The following ATRNL1 variants were observed in gnomAD, a reference collection of about 807,000 sequenced individuals.
ATRNL1 encodes attractin-like protein 1.
Under a neutral mutation model 182.7 loss-of-function variants are expected in ATRNL1, and 95 were observed. That is an observed-to-expected ratio of 0.52 (90% CI 0.44 to 0.62). The LOEUF (loss-of-function observed/expected upper bound fraction) is 0.62, where lower values mean the gene tolerates loss of function less well. ATRNL1 is among the 20% of genes least tolerant of loss of function. The probability of loss-of-function intolerance (pLI) is 0.00; values close to 1 mark genes in which losing one functional copy is unlikely to be tolerated. For synonymous variants in ATRNL1, 576 were observed against 568.3 expected (o/e 1.01, Z -0.19); for missense variants, 1,471 against 1,679.5 (o/e 0.88, Z 2.17).
At chr10:115,924,137 T>C (rs1953149245) in intron 28 of ATRNL1, among the ~76,000 whole-genome samples, 1 of 152,198 alleles carries the variant, frequency 6.6e-6, no homozygotes, top group Non-Finnish European at 1.5e-5. Context: ...CCTTGTAAAA[T>C]CTGGATATTA....
At chr10:115,557,504 G>A (rs1188291328) in intron 26 of ATRNL1, among the ~76,000 whole-genome samples, 9 of 152,164 alleles carry the variant, frequency 5.9e-5, no homozygotes, top group Admixed American at 1.3e-4. Context: ...AAAAGGAACA[G>A]AGTTATCAGT....
At chr10:115,928,988 C>A (rs1953316923) in intron 28 of ATRNL1, among the ~76,000 whole-genome samples, 1 of 151,962 alleles carries the variant, frequency 6.6e-6, no homozygotes, top group African/African-American at 2.4e-5. Context: ...CTCACTGAAT[C>A]CTTATGTTCT....
intron 6 of ATRNL1, among the ~76,000 whole-genome samples, chr10:115,160,447 T>C (rs913608848): frequency 6.6e-6 from 1 of 151,886 alleles, no homozygotes; most frequent in African/African-American, 2.4e-5. Flanking sequence ...TTTTAATAAA[T>C]TCTGAGTAAG....
intron 27 of ATRNL1, among the ~76,000 whole-genome samples, chr10:115,765,931 C>A (rs1204537687): frequency 1.3e-5 from 2 of 152,010 alleles, no homozygotes; most frequent in South Asian, 4.2e-4. Flanking sequence ...GCAAACAATG[C>A]GACAGTGAAT....
At chr10:115,723,571 G>A (rs1017750784) in intron 26 of ATRNL1, among the ~76,000 whole-genome samples, 8 of 76,086 alleles carry the variant, frequency 1.1e-4, no homozygotes, top group African/African-American at 2.4e-4. Flanking sequence ...TTTTTGAGAC[G>A]GAGTTTCGCT....
chr10:115,606,695 A>G (rs1169871382), intron 26 of ATRNL1, among the ~76,000 whole-genome samples: 2 of 152,084 alleles, frequency 1.3e-5, no homozygotes, highest in Non-Finnish European at 2.9e-5. Flanking sequence ...AGATGTTTCT[A>G]TGACAGTATT....
At chr10:115,429,877 C>T (rs1394714076) in intron 21 of ATRNL1, among the ~76,000 whole-genome samples, 4 of 152,106 alleles carry the variant, frequency 2.6e-5, no homozygotes, top group Middle Eastern at 3.2e-3. Context: ...ACCATCCTGG[C>T]TAACGCGTTG....
intron 23 of ATRNL1, among the ~76,000 whole-genome samples, chr10:115,468,963 T>C (rs1592702366): frequency 6.6e-6 from 1 of 150,880 alleles, no homozygotes; most frequent in East Asian, 1.9e-4. Flanking sequence ...ACATAGCACT[T>C]AATCAGTGGT....
intron 5 of ATRNL1, among the ~76,000 whole-genome samples, chr10:115,144,826 C>T (rs1407450593): frequency 3.3e-5 from 5 of 152,088 alleles, no homozygotes; most frequent in African/African-American, 9.7e-5. Flanking sequence ...AATACAGTAG[C>T]AGTTTCCTTT....
At position 115,461,649 on chromosome 10, in the gene ATRNL1, T is replaced by C. The variant is rs548556118; in HGVS notation, c.3323-292T>C. Among the ~76,000 whole-genome samples the C allele has an allele frequency of 1.6e-4, 25 of 152,214 alleles. No homozygotes were observed. The South Asian group carries it at 2.3e-3, about 14-fold the overall frequency. ...GTTATAAAATTATAGATAATTTTTA[T>C]TTTATTCACTTACTTTTGTATAGTT... On this transcript the variant is annotated intron_variant, in intron 21 of 28. Coordinates refer to ENST00000355044, the MANE Select transcript of ATRNL1 (RefSeq NM_207303.4).
At chr10:115,410,085 C>T (rs141837811) in intron 20 of ATRNL1, among the ~76,000 whole-genome samples, 101 of 152,086 alleles carry the variant, frequency 6.6e-4, no homozygotes, top group African/African-American at 2.3e-3. Flanking sequence ...CCCACTTGAT[C>T]TTAGTGTATT....
chr10:115,536,991 A>T (rs782509531), intron 25 of ATRNL1, among the ~76,000 whole-genome samples: 1 of 152,158 alleles, frequency 6.6e-6, no homozygotes, highest in Non-Finnish European at 1.5e-5. Flanking sequence ...TAAGATTATG[A>T]TGATGGATAT....
intron 24 of ATRNL1, among the ~76,000 whole-genome samples, chr10:115,504,640 G>T (rs11197250): frequency 0.39 from 58,623 of 151,858 alleles, 12,377 homozygotes; most frequent in Middle Eastern, 0.48. Flanking sequence ...AAGAATGTAT[G>T]CTGGCAATTC....
intron 1 of ATRNL1, among the ~76,000 whole-genome samples, chr10:115,103,111 C>T (rs1205801061): frequency 6.7e-6 from 1 of 149,552 alleles, no homozygotes; most frequent in Non-Finnish European, 1.5e-5. Context: ...GATCTCGGCT[C>T]AATGCAACCC....
chr10:115,534,383 T>G (rs1214300828), intron 25 of ATRNL1, among the ~76,000 whole-genome samples: 5 of 152,318 alleles, frequency 3.3e-5, no homozygotes, highest in Middle Eastern at 3.4e-3. Context: ...TCTTCTGATC[T>G]TTGTTGGTTT....
chr10:115,657,990 T>C (rs1555036479), intron 26 of ATRNL1, among the ~76,000 whole-genome samples: 1 of 151,940 alleles, frequency 6.6e-6, no homozygotes, highest in East Asian at 1.9e-4. Context: ...TCTTGGCATA[T>C]AAATGTTAAA....
chr10:115,890,986 A>C (rs1046044934), intron 28 of ATRNL1, among the ~76,000 whole-genome samples: 1 of 152,198 alleles, frequency 6.6e-6, no homozygotes, highest in Non-Finnish European at 1.5e-5. Flanking sequence ...GAAATGCCCA[A>C]GCAACTCTTG....
chr10:115,863,483 A>G (rs1555103940), intron 28 of ATRNL1, among the ~76,000 whole-genome samples: 1 of 152,216 alleles, frequency 6.6e-6, no homozygotes, highest in Non-Finnish European at 1.5e-5. Flanking sequence ...AACAAAGTAA[A>G]TATTTTCTGG....
intron 9 of ATRNL1, among the ~76,000 whole-genome samples, chr10:115,233,970 T>G (rs1358415454): frequency 6.6e-6 from 1 of 152,052 alleles, no homozygotes; most frequent in Non-Finnish European, 1.5e-5. Flanking sequence ...TCTTTGGTGG[T>G]GTTACTTCGG....
Sources: gnomAD v4.1 joint callset for allele counts (sites outside exome capture counted in the v4.1 genomes callset) on GRCh38, gnomAD v4.1.1 for gene constraint, MANE v1.5 for transcripts, NCBI Gene and HGNC (gene_info 2026-07-23, HGNC 2026-07-21) for gene names.